CLSTN2: variants seen among roughly 807,000 people sequenced by gnomAD.
The protein encoded by CLSTN2 is calsyntenin 2.
A neutral mutation model predicts 101.2 loss-of-function variants in CLSTN2; 48 were observed. That is an observed-to-expected ratio of 0.47 (90% CI 0.38 to 0.60). The LOEUF (loss-of-function observed/expected upper bound fraction) is 0.60, where lower values mean the gene tolerates loss of function less well. Among genes scored for constraint, CLSTN2 ranks in the 20% least tolerant of loss-of-function variants. CLSTN2 has a pLI of 0.00. For missense variants in CLSTN2, 1,160 were observed against 1,238.2 expected, an observed-to-expected ratio of 0.94 and a Z score of 0.95; for synonymous variants, 481 against 463.6, an observed-to-expected ratio of 1.04 and a Z score of -0.48.
intron 1 of CLSTN2, among the ~76,000 whole-genome samples, chr3:140,018,101 G>A (rs1050298615): frequency 6.6e-6 from 1 of 152,170 alleles, no homozygotes; most frequent in East Asian, 1.9e-4. Flanking sequence ...CAACTTCAGG[G>A]CACCCCTTTT....
At chr3:140,229,441 T>C (rs563631181) in intron 2 of CLSTN2, among the ~76,000 whole-genome samples, 5 of 152,036 alleles carry the variant, frequency 3.3e-5, no homozygotes, top group Admixed American at 1.3e-4. Context: ...AGACGCCACA[T>C]TCCCACATTT....
intron 2 of CLSTN2, among the ~76,000 whole-genome samples, chr3:140,219,076 C>A (rs566196826): frequency 3.6e-4 from 55 of 152,082 alleles, no homozygotes; most frequent in African/African-American, 1.3e-3. Context: ...CGCCCTGGTC[C>A]ATTTGGGAGC....
chr3:140,535,443 A>G (rs1450526435), intron 9 of CLSTN2, among the ~76,000 whole-genome samples: 2 of 152,244 alleles, frequency 1.3e-5, no homozygotes, highest in Admixed American at 1.3e-4. Context: ...CCATTCCACA[A>G]AAATGATTTC....
Position 140,566,377 on chromosome 3 carries a change from C to T in CLSTN2, c.*124C>T, listed in dbSNP as rs534787541. 3.1e-6 allele frequency: 3 copies of T among 967,818 alleles called. No homozygotes were observed. The highest frequency in any genetic ancestry group is 1.6e-5 in the African/African-American group (1 of 61,876). 60.0% of individuals were successfully genotyped at this position (967,818 alleles called of 1,614,324 possible). ...TGTCTGGGAAGGCCTTCTCCAGCTT[C>T]CTGGAGCCCACCCTTTAAGCCTTGG... On this transcript the variant is annotated 3_prime_UTR_variant, in exon 17 of 17. Transcript: ENST00000458420.
chr3:140,121,538 C>A (rs893761152), intron 1 of CLSTN2, among the ~76,000 whole-genome samples: 3 of 152,092 alleles, frequency 2.0e-5, no homozygotes, highest in Admixed American at 1.3e-4. Flanking sequence ...GAACTCCTTG[C>A]AGAGATGCAG....
chr3:140,143,514 T>C (rs73868754), intron 1 of CLSTN2, among the ~76,000 whole-genome samples: 6,084 of 152,286 alleles, frequency 0.04, 272 homozygotes, highest in African/African-American at 0.11. Flanking sequence ...CTGATTCAAA[T>C]TGCTAATTTC....
intron 5 of CLSTN2, among the ~76,000 whole-genome samples, chr3:140,448,211 G>GTA (rs1933140534): frequency 2.5e-5 from 1 of 40,462 alleles, no homozygotes. Context: ...GGGTGTGACT[G>GTA]TGTGTGTGTG....
rs368169857 is a variant in CLSTN2, at chr3:140,337,532, TA to T, written c.233-66096del. Among the ~76,000 whole-genome samples the T allele has an allele frequency of 3.3e-4, 51 of 152,334 alleles. No homozygotes were observed. In the East Asian group the frequency reaches 5.0e-3, roughly 15 times the overall value. ...CAAAGACCCTATTTTCAAATAACATTACATTCACAGGTACCAGGGAGTTAGG... is the reference window on the plus strand; with the variant it reads ...CAAAGACCCTATTTTCAAATAACATTCATTCACAGGTACCAGGGAGTTAGG... On this transcript the variant is annotated intron_variant, in intron 2 of 16. Coordinates refer to ENST00000458420, the MANE Select transcript of CLSTN2 (RefSeq NM_022131.3).
intron 5 of CLSTN2, among the ~76,000 whole-genome samples, chr3:140,429,183 T>A (rs1559867328): frequency 6.6e-6 from 1 of 152,184 alleles, no homozygotes; most frequent in East Asian, 1.9e-4. Flanking sequence ...GAATGCATAT[T>A]ACCTGGTGGG....
intron 2 of CLSTN2, among the ~76,000 whole-genome samples, chr3:140,247,422 A>G (rs1357612258): frequency 6.6e-6 from 1 of 152,154 alleles, no homozygotes; most frequent in African/African-American, 2.4e-5. Flanking sequence ...ACCTTTGGGA[A>G]GCTCTGGCAT....
intron 2 of CLSTN2, among the ~76,000 whole-genome samples, chr3:140,200,121 G>A (rs2010699478): frequency 6.6e-6 from 1 of 152,064 alleles, no homozygotes; most frequent in Non-Finnish European, 1.5e-5. Context: ...CTTTCCCTGG[G>A]AACTTTGTTC....
intron 1 of CLSTN2, among the ~76,000 whole-genome samples, chr3:140,145,740 T>C (rs1280221570): frequency 6.6e-6 from 1 of 152,234 alleles, no homozygotes; most frequent in Non-Finnish European, 1.5e-5. Context: ...CCTTCTGCAA[T>C]TTAACAAGTT....
In CLSTN2 at chr3:140,041,153, T is replaced by G. The variant is rs191993024; in HGVS notation, c.109+105670T>G. ...AGTGGGAACACATAACTGTTCATTT[T>G]TATCATCTTGAGATATACAGGCTGT... is the stretch of plus-strand genomic sequence containing the variant. On this transcript the variant is annotated intron_variant, in intron 1 of 16. Transcript: ENST00000458420. Among the ~76,000 whole-genome samples the G allele has an allele frequency of 2.3e-3, 347 of 152,322 alleles. 1 individual carries two copies. Among genetic ancestry groups the G allele is most frequent in the Non-Finnish European group, 2.5e-3 (169 of 68,016 alleles).
At chr3:140,380,213 G>A (rs1475050542) in intron 2 of CLSTN2, among the ~76,000 whole-genome samples, 6 of 152,298 alleles carry the variant, frequency 3.9e-5, no homozygotes, top group East Asian at 3.9e-4. Flanking sequence ...AATGTGTGAG[G>A]GGCAGTTGGG....
At chr3:140,369,675 G>A (rs1026776) in intron 2 of CLSTN2, among the ~76,000 whole-genome samples, 66,177 of 151,960 alleles carry the variant, frequency 0.44, 15,047 homozygotes, top group Non-Finnish European at 0.5. Flanking sequence ...GACCAAACAT[G>A]CTGCTCCTGT....
chr3:139,955,137 T>C (rs867363276), intron 1 of CLSTN2, among the ~76,000 whole-genome samples: 2 of 139,236 alleles, frequency 1.4e-5, no homozygotes, highest in African/African-American at 5.4e-5. Flanking sequence ...TATATATATA[T>C]ATGGCAATTC....
chr3:140,359,435 G>A (rs1042130750), intron 2 of CLSTN2, among the ~76,000 whole-genome samples: 1 of 152,226 alleles, frequency 6.6e-6, no homozygotes, highest in Non-Finnish European at 1.5e-5. Context: ...AGCCAGGGCT[G>A]CACTGATGCT....
chr3:140,548,260 CATTTG>C (rs1935639481), intron 10 of CLSTN2, among the ~76,000 whole-genome samples: 1 of 152,224 alleles, frequency 6.6e-6, no homozygotes, highest in Non-Finnish European at 1.5e-5. Flanking sequence ...CCCAAGCAGA[CATTTG>C]TAATCCAGTT....
chr3:140,556,271 G>A (rs1037293038), intron 10 of CLSTN2, among the ~76,000 whole-genome samples: 17 of 152,154 alleles, frequency 1.1e-4, no homozygotes, highest in African/African-American at 3.6e-4. Context: ...GGCTCAGACC[G>A]ATATTACCAG....
Sources: gnomAD v4.1 joint callset for allele counts (sites outside exome capture counted in the v4.1 genomes callset) on GRCh38, gnomAD v4.1.1 for gene constraint, MANE v1.5 for transcripts, NCBI Gene and HGNC (gene_info 2026-07-23, HGNC 2026-07-21) for gene names.